Variants in VIT observed in about 807,000 individuals in gnomAD.
VIT encodes the protein vitrin.
VIT carries 99 observed loss-of-function variants against 78.0 expected under a neutral mutation model. The ratio of observed to expected loss-of-function variants is 1.27; its 90% CI spans 1.08 to 1.50. The LOEUF (loss-of-function observed/expected upper bound fraction) is 1.50. VIT is among the 40% of genes most tolerant of loss of function. VIT has a pLI of 0.00. For synonymous variants in VIT, 374 were observed against 334.3 expected (o/e 1.12, Z -1.29); for missense variants, 1,126 against 875.3 (o/e 1.29, Z -3.61).
chr2:36,737,729 C>T (rs1440331040), intron 3 of VIT, among the ~76,000 whole-genome samples: 1 of 152,156 alleles, frequency 6.6e-6, no homozygotes, highest in Non-Finnish European at 1.5e-5. Flanking sequence ...AAATACGACT[C>T]CATGGTTGTA....
intron 1 of VIT, among the ~76,000 whole-genome samples, chr2:36,712,760 G>A (rs562620050): frequency 1.3e-5 from 2 of 152,196 alleles, no homozygotes; most frequent in Admixed American, 1.3e-4. Context: ...GCTTGAACCC[G>A]GGAGGTGGAC....
At chr2:36,724,528 GGGGGATTGCT>G (rs1666719299) in intron 2 of VIT, among the ~76,000 whole-genome samples, 1 of 152,212 alleles carries the variant, frequency 6.6e-6, no homozygotes, top group African/African-American at 2.4e-5. Flanking sequence ...TGTAGCAAGA[GGGGGATTGCT>G]GGGGAGGAGT....
At chr2:36,795,279 A>G (rs12373783) in intron 12 of VIT, among the ~76,000 whole-genome samples, 78,665 of 151,724 alleles carry the variant, frequency 0.52, 24,138 homozygotes, top group East Asian at 0.79. Flanking sequence ...AGAGGTGGGG[A>G]AAAAGAATGG....
intron 11 of VIT, among the ~76,000 whole-genome samples, chr2:36,786,510 G>A (rs1665104373): frequency 1.3e-5 from 2 of 151,946 alleles, no homozygotes; most frequent in South Asian, 4.2e-4. Flanking sequence ...TAACTATCCT[G>A]GTCCTCATCA....
chr2:36,733,140 G>T (rs1277042943), intron 3 of VIT, among the ~76,000 whole-genome samples: 1 of 152,156 alleles, frequency 6.6e-6, no homozygotes, highest in Non-Finnish European at 1.5e-5. Flanking sequence ...CAATTAGCAG[G>T]ACTCCAAGGC....
intron 2 of VIT, among the ~76,000 whole-genome samples, chr2:36,717,333 A>AGT (rs1558510494): frequency 3.1e-4 from 32 of 102,764 alleles, no homozygotes; most frequent in African/African-American, 1.0e-3. Flanking sequence ...ACGCCTGGCT[A>AGT]ATGTGTGTGT....
intron 6 of VIT, among the ~76,000 whole-genome samples, chr2:36,760,735 T>C (rs1669066914): frequency 6.6e-6 from 1 of 152,208 alleles, no homozygotes; most frequent in African/African-American, 2.4e-5. Context: ...TGGCACCCTC[T>C]TGTTGGGCCA....
intron 3 of VIT, among the ~76,000 whole-genome samples, chr2:36,735,069 C>T (rs1488733906): frequency 1.3e-5 from 2 of 151,918 alleles, no homozygotes; most frequent in Non-Finnish European, 2.9e-5. Context: ...GAGGCTGAGG[C>T]AGAATTGCTT....
rs1462349295 is a variant in VIT, at chr2:36,767,246, C to A, written c.640C>A (p.Pro214Thr). 6 of 1,593,236 alleles carry A rather than the reference C, an allele frequency of 3.8e-6. No individual in the cohort carries two copies. Among genetic ancestry groups the A allele is most frequent in the Non-Finnish European group, 5.1e-6 (6 of 1,170,250 alleles). ...SPSAASTTSI[P>T]RPQSVGHRSQ... Reference sequence around the variant, plus strand: ...TTCTGCTGCTTCTACCACCAGCATCCCCAGACCACAATCAGTGGGCCACAG... The same window carrying A: ...TTCTGCTGCTTCTACCACCAGCATCACCAGACCACAATCAGTGGGCCACAG... Residue 214 changes from proline to threonine, a missense_variant, in exon 7 of 16, where the codon CCC (proline) becomes ACC (threonine). Physicochemically the swap from Pro to Thr is conservative, Grantham distance 38 (BLOSUM62 -1). Coordinates refer to ENST00000379242, the MANE Select transcript of VIT (RefSeq NM_053276.4).
chr2:36,813,643 C>G (rs537202389), intron 15 of VIT, among the ~76,000 whole-genome samples: 1 of 152,124 alleles, frequency 6.6e-6, no homozygotes, highest in South Asian at 2.1e-4. Context: ...AGGTTGGATT[C>G]AATGGTTTGT....
chr2:36,808,834 T>G lies in VIT; in HGVS notation c.1752T>G (p.Ser584Arg). ...LNAIKRVGYW[S>R]GGTSTGAAIN... ...CCATCAAGAGGGTGGGCTACTGGAG[T>G]GGTGGCACCAGCACGGGGGCTGCCA... is the stretch of plus-strand genomic sequence containing the variant. Residue 584 changes from serine to arginine, a missense_variant, in exon 15 of 16, where the codon AGT becomes AGG. By Grantham distance (110) the Ser-to-Arg change is moderately radical. Transcript: ENST00000379242. 1 of 1,613,830 alleles carries G rather than the reference T, an allele frequency of 6.2e-7. No homozygotes were observed. The highest frequency in any genetic ancestry group is 8.5e-7 in the Non-Finnish European group (1 of 1,179,940).
At chr2:36,700,912 T>C (rs1053721383) in intron 1 of VIT, among the ~76,000 whole-genome samples, 1 of 152,058 alleles carries the variant, frequency 6.6e-6, no homozygotes, top group African/African-American at 2.4e-5. Context: ...CACTGATAAG[T>C]TGTGTAAGTT....
At chr2:36,792,398 C>T (rs1469590832) in intron 12 of VIT, among the ~76,000 whole-genome samples, 2 of 152,178 alleles carry the variant, frequency 1.3e-5, no homozygotes, top group Non-Finnish European at 2.9e-5. Context: ...TTTCTTCTGC[C>T]TCCCATGCTT....
intron 6 of VIT, among the ~76,000 whole-genome samples, chr2:36,762,655 T>C (rs1669194470): frequency 2.6e-5 from 4 of 152,060 alleles, no homozygotes; most frequent in Admixed American, 2.6e-4. Flanking sequence ...ATTCCTTTAG[T>C]CATTGGGGAA....
intron 11 of VIT, 102 bp downstream of exon 11, chr2:36,783,504 G>A (rs906953347): frequency 1.4e-5 from 16 of 1,164,096 alleles, no homozygotes; most frequent in Middle Eastern, 1.9e-4. Context: ...CTCTCCTACC[G>A]TGGATCTATT....
At chr2:36,794,350 G>C (rs1045606837) in intron 12 of VIT, among the ~76,000 whole-genome samples, 1 of 152,116 alleles carries the variant, frequency 6.6e-6, no homozygotes, top group Non-Finnish European at 1.5e-5. Context: ...TTTAGTGTTT[G>C]CATTTAATAA....
chr2:36,792,199 T>TC (rs1357269533), intron 12 of VIT, among the ~76,000 whole-genome samples: 1 of 152,010 alleles, frequency 6.6e-6, no homozygotes, highest in Non-Finnish European at 1.5e-5. Context: ...TCAGAACAGC[T>TC]CCCCGTCACC....
intron 2 of VIT, among the ~76,000 whole-genome samples, chr2:36,718,918 CT>C (rs2148456733): frequency 6.6e-6 from 1 of 152,356 alleles, no homozygotes; most frequent in Non-Finnish European, 1.5e-5. Flanking sequence ...GGCTACCTCT[CT>C]TTTCATTCTA....
chr2:36,715,587 G>A (rs6746047), intron 1 of VIT, among the ~76,000 whole-genome samples: 69,975 of 151,882 alleles, frequency 0.46, 18,983 homozygotes, highest in Admixed American at 0.6. Context: ...CAAAACCACT[G>A]GTTCTCAAAC....
Sources: allele counts gnomAD v4.1 joint callset (sites outside exome capture counted in the v4.1 genomes callset), GRCh38; gene constraint gnomAD v4.1.1; transcripts MANE v1.5; gene names NCBI Gene and HGNC (gene_info 2026-07-23, HGNC 2026-07-21).